N4BP2: variants seen among roughly 807,000 people sequenced by gnomAD.
The protein encoded by N4BP2 is NEDD4-binding protein 2.
Under a neutral mutation model 152.8 loss-of-function variants are expected in N4BP2, and 91 were observed. The ratio of observed to expected loss-of-function variants is 0.60; its 90% confidence interval spans 0.50 to 0.71. The LOEUF (loss-of-function observed/expected upper bound fraction) is 0.71. Among genes scored for constraint, N4BP2 ranks in the 30% least tolerant of loss-of-function variants. The pLI is 0.00. For missense variants in N4BP2, 1,923 were observed against 2,059.1 expected (o/e 0.93, Z 1.28); for synonymous variants, 646 against 705.3 (o/e 0.92, Z 1.33).
chr4:40,148,162 A>G lies in N4BP2; in HGVS notation c.5143+3362A>G, dbSNP rs923997207. 3.9e-5 allele frequency among the ~76,000 whole-genome samples: 6 copies of G among 152,212 alleles called. No homozygotes were observed. In the South Asian group the frequency reaches 6.2e-4, roughly 16 times the overall value. On this transcript the variant is annotated intron_variant, in intron 16 of 17. Transcript: ENST00000261435. ...CCACTGCATTCCAGCCTGGGCACCA[A>G]TGAGCACTGAGTGAACGAGACTCCG...
At chr4:40,106,787 G>A (rs1360166757) in intron 4 of N4BP2, 113 bp from the exon 5 acceptor site, 5 of 993,428 alleles carry the variant, frequency 5.0e-6, no homozygotes, top group Non-Finnish European at 7.4e-6. Flanking sequence ...GGCCTCAAGT[G>A]ATCCACAAAA....
chr4:40,121,021 G>A lies in N4BP2; in HGVS notation c.2910G>A (p.Gly970=), dbSNP rs754202067. Residue 970 remains glycine (G), a synonymous_variant, in exon 9 of 18, where the codon GGG becomes GGA. Coordinates refer to ENST00000261435, the MANE Select transcript of N4BP2 (RefSeq NM_018177.6). ...CTTGTCTAAGTAAAAAGAGTCATGG[G>A]CAACACACATCGTTGCCTCTTACTT... The part of the protein sequence containing the change: ...SQTCLSKKSH[G]QHTSLPLTFT... The A allele has an allele frequency of 6.2e-7, 1 of 1,614,068 alleles. No individual in the cohort carries two copies. The highest frequency in any genetic ancestry group is 1.7e-5 in the Admixed American group (1 of 60,010).
intron 3 of N4BP2, among the ~76,000 whole-genome samples, chr4:40,101,848 T>C (rs994605591): frequency 2.2e-4 from 33 of 152,232 alleles, no homozygotes; most frequent in Admixed American, 2.2e-3. Flanking sequence ...TATTACTGTT[T>C]TCCTGAAAGA....
chr4:40,131,942 G>C (rs562793169), intron 13 of N4BP2, 23 bp downstream of exon 13: 1 of 1,380,670 alleles, frequency 7.2e-7, no homozygotes, highest in South Asian at 1.2e-5. Flanking sequence ...AGGATTGTCT[G>C]TAGTTTCTAC....
rs138605041 is a variant in N4BP2, at chr4:40,151,858, A to G, written c.5144-922A>G. 2.4e-3 allele frequency among the ~76,000 whole-genome samples: 361 copies of G among 152,316 alleles called. 1 individual carries two copies. Among genetic ancestry groups the G allele is most frequent in the African/African-American group, 8.2e-3 (342 of 41,574 alleles). ...TTCCAGGCTGAATATCATCTTGGAGATATGATACTTGAAAAACCATTTGTT... is the reference window on the plus strand; with the variant it reads ...TTCCAGGCTGAATATCATCTTGGAGGTATGATACTTGAAAAACCATTTGTT... On this transcript the variant is annotated intron_variant, in intron 16 of 17. Transcript: ENST00000261435.
intron 15 of N4BP2, among the ~76,000 whole-genome samples, 154 bp downstream of exon 15, chr4:40,143,015 T>C (rs888816812): frequency 6.6e-6 from 1 of 152,224 alleles, no homozygotes; most frequent in Non-Finnish European, 1.5e-5. Flanking sequence ...AAGAAATGTA[T>C]GGTTCTGAGA....
At chr4:40,093,089 G>A (rs1714769572) in intron 2 of N4BP2, among the ~76,000 whole-genome samples, 6 of 151,520 alleles carry the variant, frequency 4.0e-5, no homozygotes, top group Admixed American at 6.6e-5. Context: ...GATTACAGGC[G>A]CCTGCCACCA....
In N4BP2 at chr4:40,121,750, C is replaced by T. The variant is rs1430812488; in HGVS notation, c.3639C>T (p.Asn1213=). Residue 1213 remains asparagine, a synonymous_variant, in exon 9 of 18, where the codon AAC becomes AAT. Transcript: ENST00000261435. Reference sequence around the variant, plus strand: ...AAATGAGAGCTGTCACTCCTGAAAACCATGAATCGATGACAAGTATATTTC... The same window carrying T: ...AAATGAGAGCTGTCACTCCTGAAAATCATGAATCGATGACAAGTATATTTC... ...QAEMRAVTPE[N]HESMTSIFPS... 9 of 1,613,932 alleles carry T rather than the reference C, an allele frequency of 5.6e-6. No homozygotes were observed. The highest frequency in any genetic ancestry group is 6.8e-6 in the Non-Finnish European group (8 of 1,179,960).
the N4BP2 span, among the ~76,000 whole-genome samples, chr4:40,184,435 A>G: frequency 6.6e-6 from 1 of 152,182 alleles, no homozygotes; most frequent in Non-Finnish European, 1.5e-5. Flanking sequence ...GAATCACTGA[A>G]GAGAATAAAC....
chr4:40,156,645 A>G lies in N4BP2; in HGVS notation c.*2408A>G, dbSNP rs1721620600. The G allele has an allele frequency of 2.6e-5, 4 of 152,074 alleles. No homozygotes were observed. The highest frequency in any genetic ancestry group is 2.0e-4 in the Admixed American group (3 of 15,276). The allele number at this position is 152,074 out of a possible 1,614,324, so 9.4% of individuals were successfully genotyped here. On this transcript the variant is annotated 3_prime_UTR_variant, in exon 18 of 18. Transcript: ENST00000261435. ...TTTGGGGATTTTAAAAGTTTTCTCT[A>G]TTACCCATTTCTAAATCCTGTATGT...
intron 2 of N4BP2, among the ~76,000 whole-genome samples, chr4:40,078,690 T>G (rs993926888): frequency 1.3e-5 from 2 of 151,852 alleles, no homozygotes; most frequent in African/African-American, 4.8e-5. Flanking sequence ...TACGCCCAGC[T>G]TATTGTTTTG....
At chr4:40,178,541 G>A in the N4BP2 span, among the ~76,000 whole-genome samples, 2 of 152,146 alleles carry the variant, frequency 1.3e-5, no homozygotes, top group Non-Finnish European at 2.9e-5. Context: ...TACCTTTCTG[G>A]TAGATTTCAA....
At chr4:40,144,832 G>T (rs1458978125) in intron 16 of N4BP2, 32 bp downstream of exon 16, 1 of 1,555,910 alleles carries the variant, frequency 6.4e-7, no homozygotes, top group East Asian at 2.3e-5. Flanking sequence ...GTTTTCAATA[G>T]AATATATGTC....
rs1560639079 is a variant in N4BP2, at chr4:40,142,632, T to TA, written c.4786-39dup. On this transcript the variant is annotated intron_variant, in intron 14 of 17. Transcript: ENST00000261435. ...AGGTGTAAGGCATGAGTTTTTTTTT[T>TA]AACTTTCTGTGTGTGTTACTTATTG... 4 of 1,456,888 alleles carry TA rather than the reference T, an allele frequency of 2.7e-6. No homozygotes were observed. The South Asian group carries it at 5.1e-5, about 19-fold the overall frequency. 90.2% of individuals were successfully genotyped at this position (1,456,888 alleles called of 1,614,324 possible).
chr4:40,104,692 G>A (rs1579035337), intron 4 of N4BP2, among the ~76,000 whole-genome samples: 3 of 152,152 alleles, frequency 2.0e-5, no homozygotes, highest in African/African-American at 7.2e-5. Flanking sequence ...AGAATCAGAG[G>A]CAGCTACAGT....
At chr4:40,080,884 T>G (rs1443100844) in intron 2 of N4BP2, among the ~76,000 whole-genome samples, 1 of 149,298 alleles carries the variant, frequency 6.7e-6, no homozygotes, top group African/African-American at 2.5e-5. Context: ...GCCAGGATGG[T>G]CTCGATCTCC....
chr4:40,124,351 T>A, intron 11 of N4BP2, 146 bp downstream of exon 11: 1 of 406,554 alleles, frequency 2.5e-6, no homozygotes, highest in Non-Finnish European at 4.3e-6. Context: ...TTTATTTATT[T>A]ATTTTTTTAT....
chr4:40,102,767 G>A lies in N4BP2; in HGVS notation c.922G>A (p.Asp308Asn). 2 of 1,614,120 alleles carry A rather than the reference G, an allele frequency of 1.2e-6. No homozygotes were observed. The highest frequency in any genetic ancestry group is 1.7e-6 in the Non-Finnish European group (2 of 1,180,026). Residue 308 changes from aspartate (D) to asparagine (N), a missense_variant, in exon 4 of 18, where the codon GAT becomes AAT. Transcript: ENST00000261435. ...PGLDLPGTGGDQKSTRVSDVF... is the reference protein window; with the variant it reads ...PGLDLPGTGGNQKSTRVSDVF... ...GCTTGATTTACCAGGTACAGGTGGGGATCAGAAATCTACTCGGGTCTCTGA... is the reference window on the plus strand; with the variant it reads ...GCTTGATTTACCAGGTACAGGTGGGAATCAGAAATCTACTCGGGTCTCTGA...
chr4:40,118,288 T>G (rs1256166843), intron 8 of N4BP2, among the ~76,000 whole-genome samples: 1 of 152,126 alleles, frequency 6.6e-6, no homozygotes, highest in Non-Finnish European at 1.5e-5. Flanking sequence ...TGGTGGCGCA[T>G]GCCTGCAATC....
Sources: allele counts gnomAD v4.1 joint callset (sites outside exome capture counted in the v4.1 genomes callset), GRCh38; gene constraint gnomAD v4.1.1; transcripts MANE v1.5; gene names NCBI Gene and HGNC (gene_info 2026-07-23, HGNC 2026-07-21).